The following DYRK1A variants were observed in gnomAD, a reference collection of about 807,000 sequenced individuals.
DYRK1A encodes the protein dual specificity tyrosine phosphorylation regulated kinase 1A.
DYRK1A carries 9 observed loss-of-function variants against 79.7 expected under a neutral mutation model. The ratio of observed to expected loss-of-function variants is 0.11; its 90% CI spans 0.07 to 0.20. DYRK1A has a LOEUF of 0.20. Among genes scored for constraint, DYRK1A ranks in the 10% least tolerant of loss-of-function variants. The pLI is 1.00. For missense variants in DYRK1A, 622 were observed against 956.0 expected, an observed-to-expected ratio of 0.65 and a Z score of 4.61; for synonymous variants, 349 against 329.7, an observed-to-expected ratio of 1.06 and a Z score of -0.63.
Position 37,514,193 on chromosome 21 carries a change from A to G in DYRK1A, c.*1662A>G, listed in dbSNP as rs1030788273. 6.6e-6 allele frequency: 1 copy of G among 152,664 alleles called. No homozygotes were observed. The highest frequency in any genetic ancestry group is 1.5e-5 in the Non-Finnish European group (1 of 68,048). 9.5% of individuals were successfully genotyped at this position (152,664 alleles called of 1,614,324 possible). On this transcript the variant is annotated 3_prime_UTR_variant, in exon 12 of 12. Transcript: ENST00000647188. ...TTGATTGCACCAACAGGTCCAGAGT[A>G]TGAGTGCAAGCAAAGCAGAACTCTC...
intron 2 of DYRK1A, chr21:37,430,513 T>C (rs1278947919): frequency 4.4e-6 from 3 of 678,072 alleles, no homozygotes; most frequent in Non-Finnish European, 5.5e-6. Context: ...TGGGAACCCT[T>C]GTTGCCCAAC....
rs2053919582 is a variant in DYRK1A, at chr21:37,519,753, T to TTTTGTTTTGTTTTGTTTTGTTTTGTTTTG, written c.*7225_*7226insGTTTTGTTTTGTTTTGTTTTGTTTTGTTT. ...TGTGGGAAGTTTTTTTTTTTTTTTT[T>TTTTGTTTTGTTTTGTTTTGTTTTGTTTTG]TTTTTTGAGGCGGAGTCTCGCTCTG... On this transcript the variant is annotated 3_prime_UTR_variant, in exon 12 of 12. Transcript: ENST00000647188. 6.1e-5 allele frequency: 5 copies of TTTTGTTTTGTTTTGTTTTGTTTTGTTTTG among 82,528 alleles called. No individual in the cohort carries two copies. The highest frequency in any genetic ancestry group is 1.3e-4 in the Non-Finnish European group (5 of 37,834). The allele number at this position is 82,528 out of a possible 1,614,324, so 5.1% of individuals were successfully genotyped here.
rs10590534 is a variant in DYRK1A at position 37,519,736 on chromosome 21, G to GTTTTTTTTTTTTTTTTTTTTT, written c.*7208_*7228dup. The GTTTTTTTTTTTTTTTTTTTTT allele has an allele frequency of 3.5e-5, 3 of 85,802 alleles. No individual in the cohort carries two copies. The highest frequency in any genetic ancestry group is 1.5e-4 in the African/African-American group (3 of 20,580). 5.3% of individuals were successfully genotyped at this position (85,802 alleles called of 1,614,324 possible). On this transcript the variant is annotated 3_prime_UTR_variant, in exon 12 of 12. Transcript: ENST00000647188. ...AGAGTTTTGAGGTTTGTTGTGGGAA[G>GTTTTTTTTTTTTTTTTTTTTT]TTTTTTTTTTTTTTTTTTTTTTTGA... is the stretch of plus-strand genomic sequence containing the variant.
At chr21:37,482,624 C>G (rs2052691254) in intron 5 of DYRK1A, among the ~76,000 whole-genome samples, 1 of 152,166 alleles carries the variant, frequency 6.6e-6, no homozygotes, top group Non-Finnish European at 1.5e-5. Flanking sequence ...AACATCTTAT[C>G]AGGAGACAGG....
At chr21:37,415,871 T>C (rs2050328458) in intron 1 of DYRK1A, among the ~76,000 whole-genome samples, 1 of 152,196 alleles carries the variant, frequency 6.6e-6, no homozygotes, top group Admixed American at 6.5e-5. Context: ...CTGTTCTAAA[T>C]TAAATGCCTT....
intron 2 of DYRK1A, among the ~76,000 whole-genome samples, chr21:37,431,722 A>C (rs771073494): frequency 7.2e-5 from 11 of 152,152 alleles, no homozygotes; most frequent in Non-Finnish European, 1.2e-4. Context: ...ATACCCCCTA[A>C]ACTTAAGTCT....
At chr21:37,369,760 G>T (rs1192791140) in intron 1 of DYRK1A, among the ~76,000 whole-genome samples, 1 of 152,232 alleles carries the variant, frequency 6.6e-6, no homozygotes, top group Non-Finnish European at 1.5e-5. Flanking sequence ...ATTGGTAGGG[G>T]TGGGAAATGG....
chr21:37,479,503 G>T (rs967329766), intron 4 of DYRK1A, among the ~76,000 whole-genome samples: 1 of 147,530 alleles, frequency 6.8e-6, no homozygotes, highest in Admixed American at 6.8e-5. Flanking sequence ...TTATAATTTC[G>T]CCAAAGTTAG....
intron 1 of DYRK1A, among the ~76,000 whole-genome samples, chr21:37,414,257 T>A (rs2148418152): frequency 6.6e-6 from 1 of 152,104 alleles, no homozygotes; most frequent in Non-Finnish European, 1.5e-5. Context: ...TTTTCCTCCC[T>A]TTTTGAGTAG....
At chr21:37,435,411 G>C (rs188182496) in intron 2 of DYRK1A, among the ~76,000 whole-genome samples, 1 of 152,088 alleles carries the variant, frequency 6.6e-6, no homozygotes, top group South Asian at 2.1e-4. Flanking sequence ...ATAAATGAGC[G>C]TTTAATGATC....
chr21:37,426,024 T>C (rs2050608214), intron 2 of DYRK1A, among the ~76,000 whole-genome samples: 1 of 152,152 alleles, frequency 6.6e-6, no homozygotes, highest in Non-Finnish European at 1.5e-5. Flanking sequence ...AGTCATGTGG[T>C]CCCCATGAAC....
chr21:37,452,367 G>A (rs1360867812), intron 2 of DYRK1A, among the ~76,000 whole-genome samples: 1 of 149,172 alleles, frequency 6.7e-6, no homozygotes, highest in African/African-American at 2.5e-5. Flanking sequence ...AGGTAAAGGG[G>A]GTGGGGAGGT....
chr21:37,512,924 GTT>G lies in DYRK1A; in HGVS notation c.*404_*405del, dbSNP rs59292132. 0.11 allele frequency: 12,942 copies of G among 114,204 alleles called. 802 individuals are homozygous for G. The highest frequency in any genetic ancestry group is 0.16 in the Non-Finnish European group (8,590 of 54,078). 7.1% of individuals were successfully genotyped at this position (114,204 alleles called of 1,614,324 possible). ...TTTGCATAAAGGGCCCCATGAGGGT[GTT>G]TTTTTTTTTTCTTTTTGTCCCCCCC... is the stretch of plus-strand genomic sequence containing the variant. On this transcript the variant is annotated 3_prime_UTR_variant, in exon 12 of 12. Transcript: ENST00000647188.
chr21:37,512,337 G>A lies in DYRK1A; in HGVS notation c.2071G>A (p.Val691Ile), dbSNP rs540559440. 8.4e-5 allele frequency: 135 copies of A among 1,614,206 alleles called. 1 individual carries two copies. In the South Asian group the frequency reaches 1.2e-3, roughly 15 times the overall value. ...LDFGQNGAMD[V>I]NLTVYSNPRQ... ...CTTTGGACAGAATGGAGCTATGGAC[G>A]TTAATTTGACCGTCTACTCCAATCC... is the stretch of plus-strand genomic sequence containing the variant. The change falls in exon 12 of 12, where the codon GTT becomes ATT. Residue 691 changes from valine to isoleucine, a missense_variant. This residue lies in a region of DYRK1A where 292 missense variants were observed against 316.7 expected (regional missense o/e 0.92). Transcript: ENST00000647188.
At chr21:37,426,934 A>G (rs2050641477) in intron 2 of DYRK1A, among the ~76,000 whole-genome samples, 1 of 145,434 alleles carries the variant, frequency 6.9e-6, no homozygotes, top group Non-Finnish European at 1.5e-5. Flanking sequence ...AAAAAAAAAA[A>G]AGAGATGAAT....
intron 3 of DYRK1A, among the ~76,000 whole-genome samples, chr21:37,475,051 G>C (rs1004780606): frequency 9.9e-5 from 15 of 152,260 alleles, no homozygotes; most frequent in South Asian, 8.3e-4. Flanking sequence ...TTATACTAAA[G>C]AATCTTTTCA....
intron 1 of DYRK1A, among the ~76,000 whole-genome samples, chr21:37,411,206 A>T (rs1472859146): frequency 1.3e-5 from 2 of 152,020 alleles, no homozygotes; most frequent in Non-Finnish European, 2.9e-5. Flanking sequence ...AATACAAAAA[A>T]TTAGCCAGGC....
At chr21:37,499,723 G>A (rs1198908421) in intron 9 of DYRK1A, among the ~76,000 whole-genome samples, 1 of 151,816 alleles carries the variant, frequency 6.6e-6, no homozygotes. Flanking sequence ...TTTCATTTTT[G>A]GTATACAGAA....
chr21:37,404,880 A>T (rs1437694556), intron 1 of DYRK1A, among the ~76,000 whole-genome samples: 2 of 152,216 alleles, frequency 1.3e-5, no homozygotes, highest in Admixed American at 1.3e-4. Flanking sequence ...GGATTAATAC[A>T]GTCAGTTTCC....
Sources: gnomAD v4.1 joint callset for allele counts (sites outside exome capture counted in the v4.1 genomes callset) on GRCh38, gnomAD v4.1.1 for gene constraint, gnomAD v4.1.1 regional missense constraint, MANE v1.5 for transcripts, NCBI Gene and HGNC (gene_info 2026-07-23, HGNC 2026-07-21) for gene names.